The following UNC79 variants were observed in gnomAD, a reference collection of about 807,000 sequenced individuals.
UNC79 encodes unc-79 subunit of NALCN channel complex, also known as protein unc-79 homolog.
UNC79 carries 37 observed loss-of-function variants against 283.1 expected under a neutral mutation model. That is an observed-to-expected ratio of 0.13 (90% CI 0.10 to 0.17). UNC79 has a LOEUF of 0.17. UNC79 is among the 10% of genes least tolerant of loss of function. The pLI is 1.00. For synonymous variants in UNC79, 1,107 were observed against 1,200.2 expected (o/e 0.92, Z 1.61); for missense variants, 2,272 against 3,211.1 (o/e 0.71, Z 7.07).
chr14:93,660,551 ATATATATATATATGTGTGTGTGTG>A lies in UNC79; in HGVS notation c.6525+1292_6525+1315del, dbSNP rs1398923487. Among the ~76,000 whole-genome samples, 202 of 118,430 alleles carry A rather than the reference ATATATATATATATGTGTGTGTGTG, an allele frequency of 1.7e-3. 2 individuals are homozygous for A. Among genetic ancestry groups the A allele is most frequent in the African/African-American group, 7.5e-3 (192 of 25,516 alleles). 77.7% of individuals were successfully genotyped at this position (118,430 alleles called of 152,430 possible). Reference sequence around the variant, plus strand: ...TATATATATATATATATATATATATATATATATATATATGTGTGTGTGTGTGTGTTCATTTTATTTTATTTTATT... The same window carrying A: ...TATATATATATATATATATATATATATGTGTTCATTTTATTTTATTTTATT... On this transcript the variant is annotated intron_variant, in intron 39 of 48. Transcript: ENST00000555664.
chr14:93,348,485 A>G (rs2053915200), intron 1 of UNC79: 1 of 182,732 alleles, frequency 5.5e-6, no homozygotes, highest in Non-Finnish European at 1.1e-5. Flanking sequence ...GTATCTAGTG[A>G]CATCACCCTT....
chr14:93,396,658 A>G (rs1052263069), intron 1 of UNC79, among the ~76,000 whole-genome samples: 2 of 152,098 alleles, frequency 1.3e-5, no homozygotes, highest in South Asian at 2.1e-4. Context: ...TCTATATTCT[A>G]TGTGGCTATT....
intron 43 of UNC79, among the ~76,000 whole-genome samples, chr14:93,687,432 C>A (rs994842536): frequency 1.3e-5 from 2 of 152,082 alleles, no homozygotes; most frequent in Admixed American, 6.5e-5. Context: ...GAGGAAGGCC[C>A]TAGACAGAGG....
At chr14:93,414,538 A>G (rs1268381727) in intron 1 of UNC79, among the ~76,000 whole-genome samples, 1 of 152,126 alleles carries the variant, frequency 6.6e-6, no homozygotes, top group African/African-American at 2.4e-5. Flanking sequence ...ATGAACTTTA[A>G]AGTGGTTTTT....
At chr14:93,600,838 G>A (rs1367794250) in intron 25 of UNC79, 68 bp downstream of exon 25, 10 of 1,545,362 alleles carry the variant, frequency 6.5e-6, no homozygotes, top group Non-Finnish European at 8.8e-6. Flanking sequence ...ACAAACAGAA[G>A]ACATTGGCAT....
intron 47 of UNC79, among the ~76,000 whole-genome samples, chr14:93,696,849 A>AT (rs1185268143): frequency 6.6e-6 from 1 of 152,216 alleles, no homozygotes; most frequent in Admixed American, 6.5e-5. Context: ...TAGCCCAAAA[A>AT]TAATAAAGAG....
chr14:93,473,590 C>T (rs969597391), intron 2 of UNC79, among the ~76,000 whole-genome samples: 2 of 152,140 alleles, frequency 1.3e-5, no homozygotes, highest in African/African-American at 2.4e-5. Flanking sequence ...TCTTAATAAA[C>T]ACACATGTTT....
chr14:93,479,968 C>A (rs945276090), intron 4 of UNC79, among the ~76,000 whole-genome samples: 1 of 152,216 alleles, frequency 6.6e-6, no homozygotes, highest in African/African-American at 2.4e-5. Context: ...CACTAAATCC[C>A]TCCTTCTTAG....
intron 7 of UNC79, among the ~76,000 whole-genome samples, chr14:93,509,188 G>A (rs1360654788): frequency 6.6e-6 from 1 of 152,028 alleles, no homozygotes; most frequent in Non-Finnish European, 1.5e-5. Flanking sequence ...GCAGCAAGGG[G>A]GAAATCCACC....
At chr14:93,466,615 C>T (rs946202092) in intron 1 of UNC79, among the ~76,000 whole-genome samples, 1 of 152,164 alleles carries the variant, frequency 6.6e-6, no homozygotes, top group African/African-American at 2.4e-5. Context: ...AGAATGCATC[C>T]AGGAGCTTAT....
Position 93,423,609 on chromosome 14 carries a change from C to T in UNC79, c.-350-44062C>T, listed in dbSNP as rs192084784. On this transcript the variant is annotated intron_variant, in intron 1 of 49. Coordinates refer to the UNC79 transcript ENST00000256339. ...GACAAAACTACCAAGAACATATATT[C>T]GGGAAAGAACAGTCTCTTCAATAAA... Among the ~76,000 whole-genome samples the T allele has an allele frequency of 1.3e-3, 191 of 152,150 alleles. 5 individuals carry two copies. Among genetic ancestry groups the T allele is most frequent in the Non-Finnish European group, 2.4e-4 (16 of 67,976 alleles).
intron 14 of UNC79, among the ~76,000 whole-genome samples, chr14:93,568,209 T>C (rs1367547879): frequency 6.6e-6 from 1 of 152,184 alleles, no homozygotes; most frequent in African/African-American, 2.4e-5. Context: ...TTAATGGGTA[T>C]GGTGTCAGTG....
At position 93,691,740 on chromosome 14, in the gene UNC79, C is replaced by T; in HGVS notation, c.7273-9C>T. On this transcript the variant is annotated splice_polypyrimidine_tract_variant and intron_variant, in intron 45 of 48. Transcript: ENST00000555664. The stretch of plus-strand genomic sequence containing the variant: ...TGCAATGCACTGATGCCGTCTTCTT[C>T]CTTTTCAGACCTCCGTGCTGCACAT... 1 of 1,613,594 alleles carries T rather than the reference C, an allele frequency of 6.2e-7. No individual in the cohort carries two copies. The highest frequency in any genetic ancestry group is 8.5e-7 in the Non-Finnish European group (1 of 1,179,994).
At chr14:93,375,542 A>G (rs1205829763) in intron 1 of UNC79, among the ~76,000 whole-genome samples, 1 of 152,144 alleles carries the variant, frequency 6.6e-6, no homozygotes, top group Non-Finnish European at 1.5e-5. Flanking sequence ...GTAATTTATA[A>G]AGAAAAGAGG....
At chr14:93,481,138 A>T (rs1595583546) in intron 4 of UNC79, among the ~76,000 whole-genome samples, 1 of 152,294 alleles carries the variant, frequency 6.6e-6, no homozygotes, top group East Asian at 1.9e-4. Flanking sequence ...GAGTCCTTTT[A>T]AGGTTCTGCA....
chr14:93,346,449 A>G (rs780064585), intron 1 of UNC79, among the ~76,000 whole-genome samples: 2 of 152,210 alleles, frequency 1.3e-5, no homozygotes, highest in Non-Finnish European at 2.9e-5. Flanking sequence ...GGAGTTTGAG[A>G]TCAGCCTGGG....
intron 7 of UNC79, among the ~76,000 whole-genome samples, chr14:93,514,613 C>T (rs529326820): frequency 6.6e-6 from 1 of 152,292 alleles, no homozygotes; most frequent in East Asian, 1.9e-4. Context: ...CTTGGTAGCT[C>T]TCCTCTGTTC....
chr14:93,604,872 A>G, intron 26 of UNC79, 24 bp from the exon 27 acceptor site: 2 of 1,555,582 alleles, frequency 1.3e-6, no homozygotes, highest in Admixed American at 1.8e-5. Flanking sequence ...GCTTATTTAA[A>G]TAGAGTTGTT....
chr14:93,572,014 C>T, exon 15 of UNC79: 1 of 1,614,150 alleles, frequency 6.2e-7, no homozygotes, highest in Non-Finnish European at 8.5e-7. Context: ...GTGTATTATG[C>T]CGGAATGGCT....
Sources: allele counts gnomAD v4.1 joint callset (sites outside exome capture counted in the v4.1 genomes callset), GRCh38; gene constraint gnomAD v4.1.1; transcripts MANE v1.5; gene names NCBI Gene and HGNC (gene_info 2026-07-23, HGNC 2026-07-21).